Variants in UGT3A1 observed in about 807,000 individuals in gnomAD.
UGT3A1 encodes the protein UDP glycosyltransferase family 3 member A1.
Under a neutral mutation model 37.6 loss-of-function variants are expected in UGT3A1, and 40 were observed. The ratio of observed to expected loss-of-function variants is 1.06; its 90% CI spans 0.83 to 1.38. The LOEUF (loss-of-function observed/expected upper bound fraction) is 1.38, where lower values mean the gene tolerates loss of function less well. UGT3A1 is among the 40% of genes most tolerant of loss of function. UGT3A1 has a pLI of 0.00. For missense variants in UGT3A1, 642 were observed against 634.2 expected, an observed-to-expected ratio of 1.01 and a Z score of -0.13; for synonymous variants, 256 against 232.3, an observed-to-expected ratio of 1.10 and a Z score of -0.93.
intron 3 of UGT3A1, 63 bp downstream of exon 3, chr5:35,967,956 C>G: frequency 7.9e-7 from 1 of 1,261,202 alleles, no homozygotes; most frequent in South Asian, 1.3e-5. Context: ...TATCATGCAT[C>G]TCTCTATTCA....
chr5:35,979,591 T>A (rs1282925091), intron 2 of UGT3A1, among the ~76,000 whole-genome samples: 1 of 152,160 alleles, frequency 6.6e-6, no homozygotes, highest in East Asian at 1.9e-4. Flanking sequence ...AACAAGCCTC[T>A]AGGAAGTTCC....
chr5:35,976,901 G>GAAGA (rs2149977197), intron 2 of UGT3A1, among the ~76,000 whole-genome samples: 1 of 146,006 alleles, frequency 6.8e-6, no homozygotes, highest in African/African-American at 2.5e-5. Context: ...AGGAAGGAAG[G>GAAGA]AAGGAAGGAG....
intron 2 of UGT3A1, 63 bp from the exon 3 acceptor site, chr5:35,968,196 T>C: frequency 1.1e-6 from 1 of 936,932 alleles, no homozygotes; most frequent in Non-Finnish European, 1.6e-6. Flanking sequence ...AACATTAGCA[T>C]GATGATATTA....
chr5:35,965,686 C>A lies in UGT3A1; in HGVS notation c.543G>T (p.Leu181Phe). ...AGGAAGGGAATACTGGAACATAAGA[C>A]AAGGGGCTTGGTAGCCCAAAATCCA... ...GSLDFGLPSPLSYVPVFPSLL... is the reference protein window; with the variant it reads ...GSLDFGLPSPFSYVPVFPSLL... The change falls in exon 4 of 7, where the codon TTG becomes TTT. Residue 181 changes from leucine to phenylalanine, a missense_variant. Leu to Phe is a conservative substitution (Grantham distance 22, BLOSUM62 0). Coordinates refer to ENST00000274278, the MANE Select transcript of UGT3A1 (RefSeq NM_152404.4). 1 of 1,614,178 alleles carries A rather than the reference C, an allele frequency of 6.2e-7. No homozygotes were observed. Among genetic ancestry groups the A allele is most frequent in the Non-Finnish European group, 8.5e-7 (1 of 1,180,040 alleles).
chr5:35,957,153 A>G (rs761029064), intron 5 of UGT3A1, 35 bp downstream of exon 5: 1 of 1,586,280 alleles, frequency 6.3e-7, no homozygotes, highest in Non-Finnish European at 8.6e-7. Context: ...AGGCAGGTCA[A>G]TGGAAAGAGA....
At position 35,954,083 on chromosome 5, in the gene UGT3A1, G is replaced by A. The variant is rs534157725; in HGVS notation, c.*119C>T. ...AGAGGCAGAGAATAGAAAGAAGCAA[G>A]TTGCAGGATCAGTGGCAGGTGGAGC... On this transcript the variant is annotated 3_prime_UTR_variant, in exon 7 of 7. Coordinates refer to ENST00000274278, the MANE Select transcript of UGT3A1 (RefSeq NM_152404.4). 64 of 1,107,392 alleles carry A rather than the reference G, an allele frequency of 5.8e-5. No individual in the cohort carries two copies. In the African/African-American group the frequency reaches 8.1e-4, roughly 14 times the overall value. 68.6% of individuals were successfully genotyped at this position (1,107,392 alleles called of 1,614,324 possible).
chr5:35,951,197 A>G lies in UGT3A1; in HGVS notation c.*3005T>C, dbSNP rs1739194475. 6.6e-6 allele frequency: 1 copy of G among 152,150 alleles called. No homozygotes were observed. Among genetic ancestry groups the G allele is most frequent in the Non-Finnish European group, 1.5e-5 (1 of 68,006 alleles). The allele number at this position is 152,150 out of a possible 1,614,324, so 9.4% of individuals were successfully genotyped here. Reference sequence around the variant, plus strand: ...CTTTTCTCTCCTTGTTTATTTAAACATATACTTGGTATGCAAAATATTAAC... The same window carrying G: ...CTTTTCTCTCCTTGTTTATTTAAACGTATACTTGGTATGCAAAATATTAAC... On this transcript the variant is annotated 3_prime_UTR_variant, in exon 7 of 7. Coordinates refer to ENST00000274278, the MANE Select transcript of UGT3A1 (RefSeq NM_152404.4).
At chr5:35,989,866 C>T (rs1041002062) in intron 1 of UGT3A1, among the ~76,000 whole-genome samples, 12 of 152,054 alleles carry the variant, frequency 7.9e-5, no homozygotes, top group African/African-American at 2.7e-4. Context: ...GGGCGGATCA[C>T]GAGGTCAGGA....
At chr5:35,975,969 T>C (rs919736302) in intron 2 of UGT3A1, among the ~76,000 whole-genome samples, 3 of 152,194 alleles carry the variant, frequency 2.0e-5, no homozygotes, top group African/African-American at 7.2e-5. Flanking sequence ...TCTTCTCCCA[T>C]AGCAAGGATT....
chr5:35,968,223 A>G (rs886415126), intron 2 of UGT3A1, 90 bp from the exon 3 acceptor site: 2 of 767,386 alleles, frequency 2.6e-6, no homozygotes, highest in African/African-American at 1.8e-5. Flanking sequence ...TATTCTATTA[A>G]TTTTACATTT....
chr5:35,954,667 A>G (rs1395271789), intron 6 of UGT3A1, among the ~76,000 whole-genome samples, 189 bp from the exon 7 acceptor site: 1 of 152,250 alleles, frequency 6.6e-6, no homozygotes, highest in Non-Finnish European at 1.5e-5. Context: ...AAGTTCAATA[A>G]AAACACCCAC....
upstream of UGT3A1, among the ~76,000 whole-genome samples, chr5:35,994,252 A>C (rs969585391): frequency 3.9e-5 from 6 of 152,070 alleles, no homozygotes; most frequent in African/African-American, 1.4e-4. Context: ...TAGAGCACTC[A>C]GAAATCATAT....
chr5:35,954,450 C>CA lies in UGT3A1; in HGVS notation c.1323dup (p.Val442CysfsTer41), dbSNP rs1739277417. On this transcript the variant is annotated frameshift_variant, in exon 7 of 7. Transcript: ENST00000274278. LOFTEE classifies it low-confidence loss of function (END_TRUNC). ...CTCAGGGGCTGAGAGTGCAGGATGACACTGGCTGCCACCACTGCCGACTTG... is the reference window on the plus strand; with the variant it reads ...CTCAGGGGCTGAGAGTGCAGGATGACAACTGGCTGCCACCACTGCCGACTTG... 1 of 1,614,004 alleles carries CA rather than the reference C, an allele frequency of 6.2e-7. No individual in the cohort carries two copies. The highest frequency in any genetic ancestry group is 1.3e-5 in the African/African-American group (1 of 74,952).
rs1161929459 is a variant in UGT3A1 at position 35,991,294 on chromosome 5, G to A, written c.-54C>T. On this transcript the variant is annotated 5_prime_UTR_variant, in exon 1 of 7. Coordinates refer to ENST00000274278, the MANE Select transcript of UGT3A1 (RefSeq NM_152404.4). ...AGCCTGGGCTGCGCGCCCTGCGCCG[G>A]GCTAAGGACTCTGTGCGCGCCTCAG... 24 of 1,610,580 alleles carry A rather than the reference G, an allele frequency of 1.5e-5. 2 individuals are homozygous for A. Among genetic ancestry groups the A allele is most frequent in the South Asian group, 8.8e-5 (8 of 90,578 alleles).
intron 1 of UGT3A1, among the ~76,000 whole-genome samples, chr5:35,998,414 G>A (rs1214512577): frequency 6.6e-6 from 1 of 152,140 alleles, no homozygotes; most frequent in South Asian, 2.1e-4. Flanking sequence ...TACCATTTTT[G>A]TGCTGCATTC....
Position 35,965,876 on chromosome 5 carries a change from C to T in UGT3A1, c.353G>A (p.Gly118Glu). Residue 118 changes from glycine to glutamate, a missense_variant, in exon 4 of 7, where the codon GGG (glycine) becomes GAG (glutamate). Transcript: ENST00000274278. ...EALVKLMEIF[G>E]TQCSYLLSRK... is the part of the protein sequence containing the mutation. Reference sequence around the variant, plus strand: ...GCTTAGCAAATAACTACATTGAGTCCCAAATATTTCCATTAGCTTTACAAG... The same window carrying T: ...GCTTAGCAAATAACTACATTGAGTCTCAAATATTTCCATTAGCTTTACAAG... 1 of 1,587,188 alleles carries T rather than the reference C, an allele frequency of 6.3e-7. No homozygotes were observed. The highest frequency in any genetic ancestry group is 8.6e-7 in the Non-Finnish European group (1 of 1,169,206).
At chr5:35,993,571 C>G (rs1741019984), upstream of UGT3A1, among the ~76,000 whole-genome samples, 1 of 152,284 alleles carries the variant, frequency 6.6e-6, no homozygotes, top group Admixed American at 6.5e-5. Flanking sequence ...CCCACCCTCT[C>G]CCCTTTAAAT....
At chr5:35,959,147 A>G (rs1739478239) in intron 4 of UGT3A1, among the ~76,000 whole-genome samples, 1 of 152,242 alleles carries the variant, frequency 6.6e-6, no homozygotes, top group African/African-American at 2.4e-5. Context: ...AAAAGTCCAG[A>G]TGAGACACAT....
intron 2 of UGT3A1, among the ~76,000 whole-genome samples, chr5:35,978,246 G>T (rs1442045173): frequency 6.6e-6 from 1 of 152,100 alleles, no homozygotes; most frequent in Non-Finnish European, 1.5e-5. Context: ...TGTTGGCCAG[G>T]CTGGACTTGA....
Sources: gnomAD v4.1 joint callset for allele counts (sites outside exome capture counted in the v4.1 genomes callset) on GRCh38, gnomAD v4.1.1 for gene constraint, MANE v1.5 for transcripts, NCBI Gene and HGNC (gene_info 2026-07-23, HGNC 2026-07-21) for gene names.